Variants in EXT1 observed in about 807,000 individuals in gnomAD.
EXT1 encodes the protein exostosin glycosyltransferase 1.
Under a neutral mutation model 82.5 loss-of-function variants are expected in EXT1, and 20 were observed. The observed-to-expected ratio is 0.24, with a 90% CI of 0.17 to 0.35. The LOEUF (loss-of-function observed/expected upper bound fraction) is 0.35, where lower values mean the gene tolerates loss of function less well. Ranked by LOEUF, EXT1 falls within the 10% of genes least tolerant of loss-of-function variation. The pLI is 1.00. For synonymous variants in EXT1, 348 were observed against 350.8 expected, an observed-to-expected ratio of 0.99 and a Z score of 0.09; for missense variants, 757 against 936.5, an observed-to-expected ratio of 0.81 and a Z score of 2.50.
At chr8:117,838,750 C>T (rs1393317036) in intron 1 of EXT1, among the ~76,000 whole-genome samples, 1 of 151,882 alleles carries the variant, frequency 6.6e-6, no homozygotes, top group East Asian at 1.9e-4. Flanking sequence ...TAATCTCTGC[C>T]TAATAGATGG....
intron 1 of EXT1, among the ~76,000 whole-genome samples, chr8:118,057,870 G>A (rs771539341): frequency 6.6e-6 from 1 of 151,634 alleles, no homozygotes; most frequent in Non-Finnish European, 1.5e-5. Flanking sequence ...CTACGTGGGA[G>A]GCTGAGGAGG....
chr8:117,905,143 A>C (rs1813519526), intron 1 of EXT1, among the ~76,000 whole-genome samples: 1 of 152,232 alleles, frequency 6.6e-6, no homozygotes, highest in Non-Finnish European at 1.5e-5. Context: ...ATCAAAGTGT[A>C]CTTATAGGAA....
chr8:118,102,733 A>G (rs919982362), intron 1 of EXT1, among the ~76,000 whole-genome samples: 95 of 152,388 alleles, frequency 6.2e-4, no homozygotes, highest in African/African-American at 2.2e-3. Context: ...AAAGTTTACC[A>G]ATAGTGGCTA....
intron 1 of EXT1, among the ~76,000 whole-genome samples, chr8:117,917,682 C>A (rs937754592): frequency 2.6e-5 from 4 of 152,170 alleles, no homozygotes; most frequent in Admixed American, 2.6e-4. Flanking sequence ...TATGGTACCA[C>A]TGCCTTTTCT....
At chr8:118,016,262 G>A (rs1426162688) in intron 1 of EXT1, among the ~76,000 whole-genome samples, 1 of 152,166 alleles carries the variant, frequency 6.6e-6, no homozygotes, top group Non-Finnish European at 1.5e-5. Flanking sequence ...GCATGGTGGT[G>A]CACACCTGTA....
At chr8:117,898,836 A>T (rs1813391251) in intron 1 of EXT1, among the ~76,000 whole-genome samples, 1 of 151,760 alleles carries the variant, frequency 6.6e-6, no homozygotes, top group Non-Finnish European at 1.5e-5. Context: ...AAAAAAAAAA[A>T]TGAATGAACA....
intron 1 of EXT1, among the ~76,000 whole-genome samples, chr8:118,046,213 T>C (rs1816620166): frequency 6.6e-6 from 1 of 152,086 alleles, no homozygotes; most frequent in East Asian, 1.9e-4. Flanking sequence ...CACACACCTC[T>C]GTGGCTCCTC....
In EXT1 at chr8:117,872,398, A is replaced by G. The variant is rs539236372; in HGVS notation, c.963-35197T>C. On this transcript the variant is annotated intron_variant, in intron 1 of 10. Coordinates refer to ENST00000378204, the MANE Select transcript of EXT1 (RefSeq NM_000127.3). ...TTGTAATTTACTGAACTTGTGGATTAAAAAAAAAAAGGATGTTCTTAATTG... is the reference window on the plus strand; with the variant it reads ...TTGTAATTTACTGAACTTGTGGATTGAAAAAAAAAAGGATGTTCTTAATTG... Among the ~76,000 whole-genome samples the G allele has an allele frequency of 9.1e-4, 132 of 144,924 alleles. 1 individual carries two copies. The Middle Eastern group carries it at 0.01, about 12-fold the overall frequency.
At chr8:117,898,534 A>G (rs1259377372) in intron 1 of EXT1, among the ~76,000 whole-genome samples, 2 of 152,234 alleles carry the variant, frequency 1.3e-5, no homozygotes, top group African/African-American at 4.8e-5. Context: ...TGATTCAGCC[A>G]TTGTTTAGTT....
At chr8:117,803,019 T>C (rs1823189125) in intron 10 of EXT1, among the ~76,000 whole-genome samples, 1 of 152,198 alleles carries the variant, frequency 6.6e-6, no homozygotes, top group African/African-American at 2.4e-5. Flanking sequence ...AAAAGCTAGA[T>C]TTGTATATGT....
intron 1 of EXT1, among the ~76,000 whole-genome samples, chr8:117,852,342 A>C (rs1406258636): frequency 2.0e-5 from 3 of 152,202 alleles, no homozygotes; most frequent in African/African-American, 7.2e-5. Context: ...TCTTCTAACC[A>C]AAGATGTGCC....
Position 117,799,884 on chromosome 8 carries a change from G to T in EXT1, c.2069C>A (p.Ser690Tyr). 1.9e-6 allele frequency: 3 copies of T among 1,614,054 alleles called. No individual in the cohort carries two copies. Among genetic ancestry groups the T allele is most frequent in the Non-Finnish European group, 2.5e-6 (3 of 1,180,032 alleles). The change falls in exon 11 of 11, where the codon TCC (serine) becomes TAC (tyrosine). Residue 690 changes from serine (S) to tyrosine (Y), a missense_variant. Physicochemically the swap from Ser to Tyr is moderately radical, Grantham distance 144 (BLOSUM62 -2). Coordinates refer to ENST00000378204, the MANE Select transcript of EXT1 (RefSeq NM_000127.3). ...AAAGTGGTCAGGGTCAGCCCAACGGGAAGCCCGAGAAGTCTAGGGAGAAGG... is the reference window on the plus strand; with the variant it reads ...AAAGTGGTCAGGGTCAGCCCAACGGTAAGCCCGAGAAGTCTAGGGAGAAGG... ...ETMMGQTSRA[S>Y]RWADPDHFAQ...
At chr8:118,033,130 T>G (rs1816361665) in intron 1 of EXT1, among the ~76,000 whole-genome samples, 1 of 152,190 alleles carries the variant, frequency 6.6e-6, no homozygotes, top group African/African-American at 2.4e-5. Flanking sequence ...ACTAGGCCAG[T>G]CTACATATTT....
chr8:117,984,486 G>A (rs1815274669), intron 1 of EXT1, among the ~76,000 whole-genome samples: 1 of 151,686 alleles, frequency 6.6e-6, no homozygotes, highest in African/African-American at 2.4e-5. Flanking sequence ...GAAAAGAGAT[G>A]TGGCAATTAA....
intron 1 of EXT1, among the ~76,000 whole-genome samples, chr8:117,888,127 TATA>T (rs1297883207): frequency 2.0e-5 from 3 of 150,994 alleles, no homozygotes; most frequent in African/African-American, 7.3e-5. Context: ...AATAAATAAA[TATA>T]ATGCCTCTTC....
chr8:117,903,760 G>A (rs938243087), intron 1 of EXT1, among the ~76,000 whole-genome samples: 2 of 152,006 alleles, frequency 1.3e-5, no homozygotes, highest in Non-Finnish European at 1.5e-5. Context: ...AGGAATGTAC[G>A]GACAGGCTCA....
In EXT1 at chr8:117,911,539, C is replaced by T. The variant is rs74772623; in HGVS notation, c.963-74338G>A. ...CACTCAAGCTCAGAGAGCTGCCCTGCTCACCAAGAGAAGGCAAGTCAAGAG... is the reference window on the plus strand; with the variant it reads ...CACTCAAGCTCAGAGAGCTGCCCTGTTCACCAAGAGAAGGCAAGTCAAGAG... On this transcript the variant is annotated intron_variant, in intron 1 of 10. Coordinates refer to ENST00000378204, the MANE Select transcript of EXT1 (RefSeq NM_000127.3). Among the ~76,000 whole-genome samples, 987 of 152,306 alleles carry T rather than the reference C, an allele frequency of 6.5e-3. 8 individuals are homozygous for T. The highest frequency in any genetic ancestry group is 0.019 in the African/African-American group (805 of 41,564).
intron 1 of EXT1, among the ~76,000 whole-genome samples, chr8:118,003,360 C>T (rs1224478057): frequency 6.6e-6 from 1 of 150,880 alleles, no homozygotes; most frequent in Admixed American, 6.6e-5. Flanking sequence ...AGAACTTACT[C>T]ATGTAACCAA....
chr8:117,938,785 T>G (rs952548660), intron 1 of EXT1, among the ~76,000 whole-genome samples: 2 of 152,240 alleles, frequency 1.3e-5, no homozygotes, highest in African/African-American at 4.8e-5. Context: ...TTCAATAAGA[T>G]AAATTTGGAC....
Sources: gnomAD v4.1 joint callset for allele counts (sites outside exome capture counted in the v4.1 genomes callset) on GRCh38, gnomAD v4.1.1 for gene constraint, MANE v1.5 for transcripts, NCBI Gene and HGNC (gene_info 2026-07-23, HGNC 2026-07-21) for gene names.